TSPAN5: variants seen among roughly 807,000 people sequenced by gnomAD.
The protein encoded by TSPAN5 is tetraspanin 5.
TSPAN5 carries 10 observed loss-of-function variants against 37.1 expected under a neutral mutation model. The observed-to-expected ratio is 0.27, with a 90% CI of 0.17 to 0.46. The LOEUF (loss-of-function observed/expected upper bound fraction) is 0.46. TSPAN5 is among the 20% of genes least tolerant of loss of function. TSPAN5 has a pLI of 1.00. For synonymous variants in TSPAN5, 110 were observed against 118.9 expected (o/e 0.93, Z 0.48); for missense variants, 195 against 326.6 (o/e 0.60, Z 3.11).
chr4:98,567,091 T>G (rs1534554), intron 1 of TSPAN5, among the ~76,000 whole-genome samples: 115,985 of 152,174 alleles, frequency 0.76, 44,773 homozygotes, highest in African/African-American at 0.88. Flanking sequence ...AATAAATAAT[T>G]TGAAATTTGA....
chr4:98,654,041 G>C lies in TSPAN5; in HGVS notation c.81+4105C>G, dbSNP rs545398442. ...AGACTTAGAGACAGGAAGAAGCCAC[G>C]TGTAGGTAGGTGCTCCAGTGACAAC... On this transcript the variant is annotated intron_variant, in intron 1 of 7. Transcript: ENST00000305798. Among the ~76,000 whole-genome samples, 7 of 152,308 alleles carry C rather than the reference G, an allele frequency of 4.6e-5. No individual in the cohort carries two copies. In the South Asian group the frequency reaches 1.4e-3, roughly 32 times the overall value.
intron 1 of TSPAN5, among the ~76,000 whole-genome samples, chr4:98,630,207 A>C (rs1756709103): frequency 6.6e-6 from 1 of 152,158 alleles, no homozygotes; most frequent in Non-Finnish European, 1.5e-5. Context: ...AAGGGTGCTC[A>C]AAGTGAACAA....
intron 2 of TSPAN5, among the ~76,000 whole-genome samples, chr4:98,489,828 AC>A (rs1279203211): frequency 6.6e-6 from 1 of 152,100 alleles, no homozygotes; most frequent in Non-Finnish European, 1.5e-5. Context: ...GAGGCCAAGA[AC>A]CCCAGGTCAG....
At chr4:98,626,828 A>AT (rs538462071) in intron 1 of TSPAN5, among the ~76,000 whole-genome samples, 1 of 108,058 alleles carries the variant, frequency 9.3e-6, no homozygotes, top group Non-Finnish European at 1.9e-5. Context: ...TGTTTTACTT[A>AT]TTTTTTCTTG....
At chr4:98,561,780 AAC>A (rs1292102128) in intron 1 of TSPAN5, among the ~76,000 whole-genome samples, 1 of 152,248 alleles carries the variant, frequency 6.6e-6, no homozygotes, top group Non-Finnish European at 1.5e-5. Context: ...AGGTGCTGGA[AAC>A]ACAAAGCCTG....
intron 1 of TSPAN5, among the ~76,000 whole-genome samples, chr4:98,511,704 G>A (rs576523831): frequency 6.6e-5 from 10 of 152,090 alleles, no homozygotes; most frequent in East Asian, 1.9e-4. Flanking sequence ...ATTTATTATC[G>A]ATTACATCTT....
chr4:98,653,136 A>G (rs1423617972), intron 1 of TSPAN5, among the ~76,000 whole-genome samples: 2 of 152,230 alleles, frequency 1.3e-5, no homozygotes, highest in Non-Finnish European at 2.9e-5. Context: ...ATCGAAGCTA[A>G]CAGATGTCTA....
At chr4:98,489,597 C>A (rs1454551469) in intron 2 of TSPAN5, among the ~76,000 whole-genome samples, 1 of 152,148 alleles carries the variant, frequency 6.6e-6, no homozygotes, top group Non-Finnish European at 1.5e-5. Flanking sequence ...TGCTGATTGC[C>A]GTCGTTGTAG....
chr4:98,500,188 C>G (rs1341726342), intron 2 of TSPAN5: 1 of 152,174 alleles, frequency 6.6e-6, no homozygotes, highest in East Asian at 1.9e-4. Context: ...GCAACAGAAA[C>G]TGGCCTGTAC....
chr4:98,510,949 G>A (rs1341963985), intron 1 of TSPAN5, among the ~76,000 whole-genome samples: 2 of 152,100 alleles, frequency 1.3e-5, no homozygotes, highest in Admixed American at 1.3e-4. Flanking sequence ...AAAAAACAGA[G>A]ACAGGCATGC....
intron 1 of TSPAN5, among the ~76,000 whole-genome samples, chr4:98,545,372 C>T (rs1754447218): frequency 6.6e-6 from 1 of 152,200 alleles, no homozygotes; most frequent in Non-Finnish European, 1.5e-5. Flanking sequence ...CAGTAAATTC[C>T]TATTTTTGCC....
intron 1 of TSPAN5, among the ~76,000 whole-genome samples, chr4:98,637,051 T>C (rs1401770178): frequency 6.6e-6 from 1 of 152,152 alleles, no homozygotes; most frequent in African/African-American, 2.4e-5. Flanking sequence ...AGCTTCCCCA[T>C]GAGAAGCCCC....
At chr4:98,579,953 C>G (rs1037307648) in intron 1 of TSPAN5, among the ~76,000 whole-genome samples, 1 of 152,072 alleles carries the variant, frequency 6.6e-6, no homozygotes, top group African/African-American at 2.4e-5. Context: ...TTAAATTATC[C>G]TCTAAAAGAA....
intron 4 of TSPAN5, among the ~76,000 whole-genome samples, chr4:98,481,346 A>G (rs966011807): frequency 1.8e-4 from 27 of 152,096 alleles, no homozygotes; most frequent in African/African-American, 6.3e-4. Context: ...GTGAAACGGG[A>G]CATCTGCTGC....
At chr4:98,635,889 A>G (rs1756848311) in intron 1 of TSPAN5, among the ~76,000 whole-genome samples, 1 of 152,228 alleles carries the variant, frequency 6.6e-6, no homozygotes, top group African/African-American at 2.4e-5. Context: ...TAAAGACTGA[A>G]CTGCTAAATA....
At chr4:98,605,384 C>A (rs748177384) in intron 1 of TSPAN5, among the ~76,000 whole-genome samples, 1 of 152,094 alleles carries the variant, frequency 6.6e-6, no homozygotes, top group Non-Finnish European at 1.5e-5. Flanking sequence ...AAAGTTGGTG[C>A]CAGAACTGTT....
intron 1 of TSPAN5, among the ~76,000 whole-genome samples, chr4:98,591,082 T>G (rs1230718585): frequency 6.6e-6 from 1 of 151,842 alleles, no homozygotes; most frequent in Non-Finnish European, 1.5e-5. Context: ...TTTTTGTTTT[T>G]TTTTTTTAAT....
At position 98,480,253 on chromosome 4, in the gene TSPAN5, T is replaced by C. The variant is rs113822153; in HGVS notation, c.451-1443A>G. ...TTGACATCTGTATACATCACAAAAATGTCACCACAATCAATGGATATATAG... is the reference window on the plus strand; with the variant it reads ...TTGACATCTGTATACATCACAAAAACGTCACCACAATCAATGGATATATAG... On this transcript the variant is annotated intron_variant, in intron 4 of 7. Transcript: ENST00000305798. 3.4e-3 allele frequency among the ~76,000 whole-genome samples: 522 copies of C among 152,328 alleles called. 4 individuals are homozygous for C. The highest frequency in any genetic ancestry group is 0.012 in the African/African-American group (499 of 41,562).
At chr4:98,599,365 C>G (rs893094159) in intron 1 of TSPAN5, among the ~76,000 whole-genome samples, 3 of 152,042 alleles carry the variant, frequency 2.0e-5, no homozygotes, top group Non-Finnish European at 4.4e-5. Flanking sequence ...GAAACAAGGT[C>G]ATAATCAGCA....
Sources: allele counts gnomAD v4.1 joint callset (sites outside exome capture counted in the v4.1 genomes callset), GRCh38; gene constraint gnomAD v4.1.1; transcripts MANE v1.5; gene names NCBI Gene and HGNC (gene_info 2026-07-23, HGNC 2026-07-21).